The following DAB1 variants were observed in gnomAD, a reference collection of about 807,000 sequenced individuals.
DAB1 encodes the protein DAB adaptor protein 1.
In DAB1, 15 loss-of-function variants were observed where a neutral mutation model predicts 64.6. The observed-to-expected ratio is 0.23, with a 90% CI of 0.16 to 0.36. The LOEUF (loss-of-function observed/expected upper bound fraction) is 0.36, where lower values mean the gene tolerates loss of function less well. Among genes scored for constraint, DAB1 ranks in the 10% least tolerant of loss-of-function variants. The probability of loss-of-function intolerance (pLI) is 1.00; values close to 1 mark genes in which losing one functional copy is unlikely to be tolerated. For synonymous variants in DAB1, 235 were observed against 251.9 expected (o/e 0.93, Z 0.64); for missense variants, 596 against 706.7 (o/e 0.84, Z 1.78).
chr1:57,366,374 G>A (rs911506167), intron 1 of DAB1, among the ~76,000 whole-genome samples: 4 of 152,172 alleles, frequency 2.6e-5, no homozygotes, highest in African/African-American at 4.8e-5. Flanking sequence ...GAAAGTAATA[G>A]CTAGATGCAT....
intron 4 of DAB1, among the ~76,000 whole-genome samples, chr1:57,112,830 AG>A (rs35663593): frequency 0.071 from 10,837 of 152,188 alleles, 527 homozygotes; most frequent in East Asian, 0.21. Flanking sequence ...CATACTAGAC[AG>A]TAGGGGGTAC....
intron 4 of DAB1, among the ~76,000 whole-genome samples, chr1:57,098,397 A>G (rs1229964354): frequency 1.3e-5 from 2 of 152,226 alleles, no homozygotes; most frequent in Non-Finnish European, 2.9e-5. Context: ...CACACAACTC[A>G]TAAGGGTTCA....
At chr1:58,411,563 G>C (rs1644669069) in intron 3 of DAB1, among the ~76,000 whole-genome samples, 1 of 152,186 alleles carries the variant, frequency 6.6e-6, no homozygotes, top group South Asian at 2.1e-4. Flanking sequence ...AGACATTATA[G>C]CCAAAGAGGA....
At chr1:57,447,454 T>G (rs1686184531) in intron 7 of DAB1, among the ~76,000 whole-genome samples, 1 of 152,234 alleles carries the variant, frequency 6.6e-6, no homozygotes, top group South Asian at 2.1e-4. Flanking sequence ...CCACATGAGA[T>G]AGAAACATGG....
chr1:57,911,871 T>G (rs774630595), intron 5 of DAB1, among the ~76,000 whole-genome samples: 1 of 152,218 alleles, frequency 6.6e-6, no homozygotes, highest in Non-Finnish European at 1.5e-5. Context: ...GGGAGCTTCC[T>G]GCACTTACTA....
At chr1:58,014,837 C>A (rs1245163400) in intron 5 of DAB1, among the ~76,000 whole-genome samples, 3 of 152,032 alleles carry the variant, frequency 2.0e-5, no homozygotes, top group Admixed American at 2.0e-4. Context: ...GAGAGGCTGA[C>A]AGGAAAGGGC....
chr1:57,436,577 T>C (rs1345025920), intron 7 of DAB1, among the ~76,000 whole-genome samples: 1 of 152,204 alleles, frequency 6.6e-6, no homozygotes, highest in Non-Finnish European at 1.5e-5. Context: ...ATAAACAAGA[T>C]GTTCTGTGTT....
In DAB1 at chr1:58,518,359, G is replaced by GGAAGA. The variant is rs1557450411; in HGVS notation, n.107+8897_107+8901dup. ...AGAAGAGAAGAGAAGAGAAGGGAAG[G>GGAAGA]GAAGAGAAGAGAAGGGAAGAAAAGA... On this transcript the variant is annotated intron_variant and non_coding_transcript_variant, in intron 2 of 20. Transcript: ENST00000485760. Among the ~76,000 whole-genome samples, 25 of 103,368 alleles carry GGAAGA rather than the reference G, an allele frequency of 2.4e-4. 1 individual carries two copies. The highest frequency in any genetic ancestry group is 8.0e-4 in the African/African-American group (24 of 30,148). 67.8% of individuals were successfully genotyped at this position (103,368 alleles called of 152,430 possible).
At position 57,739,600 on chromosome 1, in the gene DAB1, T is replaced by G. The variant is rs1647878832; in HGVS notation, n.552-89935A>C. Among the ~76,000 whole-genome samples the G allele has an allele frequency of 3.3e-5, 5 of 150,504 alleles. No individual in the cohort carries two copies. The South Asian group carries it at 1.1e-3, about 33-fold the overall frequency. ...CAGCTCAGCTGGGACTACAGGCATG[T>G]GCCACCATGCCCGGCTAATTTTCTG... On this transcript the variant is annotated intron_variant and non_coding_transcript_variant, in intron 6 of 20. Coordinates refer to the DAB1 transcript ENST00000485760.
At chr1:57,667,723 G>T (rs1218199628) in intron 6 of DAB1, among the ~76,000 whole-genome samples, 1 of 152,038 alleles carries the variant, frequency 6.6e-6, no homozygotes, top group African/African-American at 2.4e-5. Context: ...CATGTCCTTT[G>T]CAAGGACATG....
At chr1:57,782,990 C>CCTCT (rs1405025880) in intron 6 of DAB1, among the ~76,000 whole-genome samples, 1 of 144,470 alleles carries the variant, frequency 6.9e-6, no homozygotes, top group Non-Finnish European at 1.5e-5. Flanking sequence ...TCCCTCCCTC[C>CCTCT]CTCCCTCCTT....
chr1:57,151,091 G>A (rs1659626643), intron 2 of DAB1, among the ~76,000 whole-genome samples: 1 of 152,178 alleles, frequency 6.6e-6, no homozygotes, highest in Non-Finnish European at 1.5e-5. Context: ...GTACTAGAGG[G>A]CATGGCTAGA....
intron 6 of DAB1, among the ~76,000 whole-genome samples, chr1:57,682,018 C>T (rs372813869): frequency 1.4e-4 from 21 of 152,020 alleles, no homozygotes; most frequent in East Asian, 7.7e-4. Context: ...AATAGGCTTC[C>T]GAACATCTCA....
rs1341211071 is a variant in DAB1 at position 58,435,176 on chromosome 1, G to A, written n.257+70884C>T. Among the ~76,000 whole-genome samples, 4 of 152,252 alleles carry A rather than the reference G, an allele frequency of 2.6e-5. No homozygotes were observed. In the East Asian group the frequency reaches 7.7e-4, roughly 29 times the overall value. ...AGAGCAGTCAGGGTATTTTTTCTCT[G>A]CTTTTGTCTATTTCCCCATATCTAG... On this transcript the variant is annotated intron_variant and non_coding_transcript_variant, in intron 3 of 20. Transcript: ENST00000485760.
At chr1:57,315,807 T>C (rs973669708) in intron 1 of DAB1, among the ~76,000 whole-genome samples, 1 of 152,186 alleles carries the variant, frequency 6.6e-6, no homozygotes, top group Non-Finnish European at 1.5e-5. Flanking sequence ...CGGCCACCTA[T>C]TATATGATCT....
At chr1:57,301,571 T>G (rs1327251449) in intron 1 of DAB1, among the ~76,000 whole-genome samples, 1 of 152,210 alleles carries the variant, frequency 6.6e-6, no homozygotes, top group Non-Finnish European at 1.5e-5. Flanking sequence ...GGCCTCCCTG[T>G]GAAAGGGATT....
intron 1 of DAB1, among the ~76,000 whole-genome samples, chr1:57,315,705 T>C (rs777756632): frequency 8.5e-5 from 13 of 152,164 alleles, no homozygotes; most frequent in Non-Finnish European, 1.5e-4. Context: ...GGTCTCACCA[T>C]GTTAGCCAGG....
chr1:57,328,826 T>G (rs905441764), intron 1 of DAB1, among the ~76,000 whole-genome samples: 2 of 152,216 alleles, frequency 1.3e-5, no homozygotes, highest in African/African-American at 4.8e-5. Flanking sequence ...AAATAACATC[T>G]GCCCATGTGG....
At chr1:58,151,726 A>G (rs1041438765) in intron 4 of DAB1, among the ~76,000 whole-genome samples, 2 of 152,190 alleles carry the variant, frequency 1.3e-5, no homozygotes, top group Non-Finnish European at 2.9e-5. Context: ...TGTGCAATGT[A>G]CCTGCTAGAT....
Sources: allele counts gnomAD v4.1 joint callset (sites outside exome capture counted in the v4.1 genomes callset), GRCh38; gene constraint gnomAD v4.1.1; transcripts MANE v1.5; gene names NCBI Gene and HGNC (gene_info 2026-07-23, HGNC 2026-07-21).